The following MINDY2 variants were observed in gnomAD, a reference collection of about 807,000 sequenced individuals.
The protein encoded by MINDY2 is ubiquitin carboxyl-terminal hydrolase MINDY-2.
A neutral mutation model predicts 68.2 loss-of-function variants in MINDY2; 52 were observed. The ratio of observed to expected loss-of-function variants is 0.76; its 90% confidence interval spans 0.61 to 0.96. The LOEUF is 0.96. Among genes scored for constraint, MINDY2 ranks in the 40% least tolerant of loss-of-function variants. The pLI, the probability that MINDY2 is intolerant of heterozygous loss-of-function variation, is 0.00. For missense variants in MINDY2, 881 were observed against 773.4 expected (o/e 1.14, Z -1.65); for synonymous variants, 372 against 303.0 (o/e 1.23, Z -2.36).
intron 6 of MINDY2, among the ~76,000 whole-genome samples, chr15:58,839,513 G>A (rs915946914): frequency 3.9e-5 from 6 of 151,982 alleles, no homozygotes; most frequent in East Asian, 1.9e-4. Flanking sequence ...TGTATTTTTC[G>A]TAGGAATGTG....
chr15:58,821,877 A>G, intron 5 of MINDY2, 58 bp downstream of exon 5: 4 of 1,103,386 alleles, frequency 3.6e-6, no homozygotes, highest in Non-Finnish European at 2.6e-6. Flanking sequence ...AATTTTTCTT[A>G]TAACTTAATA....
intron 6 of MINDY2, among the ~76,000 whole-genome samples, chr15:58,846,092 T>TAAAAAAAAA (rs34161206): frequency 5.1e-5 from 7 of 136,244 alleles, no homozygotes; most frequent in South Asian, 2.3e-4. Flanking sequence ...TAATGGATGT[T>TAAAAAAAAA]AAAAAAAAAA....
At chr15:58,834,774 C>G (rs1281904318) in intron 6 of MINDY2, among the ~76,000 whole-genome samples, 3 of 152,124 alleles carry the variant, frequency 2.0e-5, no homozygotes, top group Non-Finnish European at 4.4e-5. Context: ...ACACTTTAGT[C>G]AATGAATTAC....
At chr15:58,839,823 T>C (rs1246747192) in intron 6 of MINDY2, among the ~76,000 whole-genome samples, 3 of 151,700 alleles carry the variant, frequency 2.0e-5, no homozygotes, top group Non-Finnish European at 4.4e-5. Flanking sequence ...CCACAGCTGA[T>C]TTTATCTTTT....
At chr15:58,782,605 A>G (rs1239583054) in intron 1 of MINDY2, among the ~76,000 whole-genome samples, 2 of 152,182 alleles carry the variant, frequency 1.3e-5, no homozygotes, top group Non-Finnish European at 2.9e-5. Flanking sequence ...CACTGGTCAC[A>G]AAGTTCTGTC....
chr15:58,788,002 C>G (rs1305908753), intron 2 of MINDY2, 39 bp downstream of exon 2: 22 of 1,410,700 alleles, frequency 1.6e-5, no homozygotes, highest in Non-Finnish European at 2.1e-5. Context: ...TCTTTCAAAA[C>G]AAAAGTTTTC....
chr15:58,802,112 C>G (rs557290905), intron 2 of MINDY2, among the ~76,000 whole-genome samples: 2 of 151,820 alleles, frequency 1.3e-5, no homozygotes, highest in Non-Finnish European at 2.9e-5. Context: ...GTTCAAAGCA[C>G]TATAGTATAT....
intron 5 of MINDY2, among the ~76,000 whole-genome samples, chr15:58,825,725 C>T (rs910148342): frequency 1.3e-5 from 2 of 152,178 alleles, no homozygotes; most frequent in Non-Finnish European, 2.9e-5. Context: ...TCTGCCTTAG[C>T]CTCCCAGGTA....
intron 6 of MINDY2, among the ~76,000 whole-genome samples, chr15:58,833,077 T>C (rs1248258492): frequency 6.6e-6 from 1 of 152,230 alleles, no homozygotes; most frequent in African/African-American, 2.4e-5. Context: ...TTATAGCCAT[T>C]CTTTTTGTTG....
rs549317915 is a variant in MINDY2, at chr15:58,831,037, G to GTATATATATA, written c.1226-736_1226-735insATATATATAT. Among the ~76,000 whole-genome samples, 468 of 110,274 alleles carry GTATATATATA rather than the reference G, an allele frequency of 4.2e-3. 3 individuals carry two copies. Among genetic ancestry groups the GTATATATATA allele is most frequent in the African/African-American group, 8.8e-3 (213 of 24,280 alleles). The allele number at this position is 110,274 out of a possible 152,430, so 72.3% of individuals were successfully genotyped here. A position where few individuals can be genotyped will look rare whatever the true frequency, so the allele number is the denominator to read the frequency against. On this transcript the variant is annotated intron_variant, in intron 5 of 8. Transcript: ENST00000559228. ...CAGTTGTGTGTGTGTGTGTGTGTGT[G>GTATATATATA]TGTGTATATATATATATATATATGT...
intron 4 of MINDY2, among the ~76,000 whole-genome samples, chr15:58,814,359 T>C (rs1324564521): frequency 2.0e-5 from 3 of 151,994 alleles, no homozygotes; most frequent in South Asian, 2.1e-4. Context: ...TCTAATTAGA[T>C]TGGTTCTTTA....
At chr15:58,838,384 C>T (rs528536494) in intron 6 of MINDY2, among the ~76,000 whole-genome samples, 6 of 151,490 alleles carry the variant, frequency 4.0e-5, no homozygotes, top group Admixed American at 2.6e-4. Context: ...GGTGACAGAG[C>T]GAGACTCCAT....
chr15:58,813,496 A>T (rs1247017870), intron 4 of MINDY2, among the ~76,000 whole-genome samples: 1 of 152,190 alleles, frequency 6.6e-6, no homozygotes, highest in African/African-American at 2.4e-5. Flanking sequence ...ACTCTATCTC[A>T]AACTGCTGTA....
intron 6 of MINDY2, among the ~76,000 whole-genome samples, chr15:58,834,109 C>G (rs1294162190): frequency 6.6e-6 from 1 of 152,150 alleles, no homozygotes. Context: ...CTGCACAGCC[C>G]TTAATCCATT....
At chr15:58,821,680 C>G in intron 4 of MINDY2, 37 bp from the exon 5 acceptor site, 1 of 1,315,760 alleles carries the variant, frequency 7.6e-7, no homozygotes, top group Non-Finnish European at 1.0e-6. Context: ...TGTTCCTAAT[C>G]TTACCATGAT....
At chr15:58,830,647 C>T (rs2031660613) in intron 5 of MINDY2, among the ~76,000 whole-genome samples, 3 of 151,286 alleles carry the variant, frequency 2.0e-5, no homozygotes, top group Admixed American at 2.0e-4. Flanking sequence ...TAAGGCACAT[C>T]ACAGCCTTTG....
intron 4 of MINDY2, among the ~76,000 whole-genome samples, chr15:58,821,443 C>G (rs684505): frequency 0.26 from 39,235 of 151,424 alleles, 5,560 homozygotes; most frequent in East Asian, 0.62. Flanking sequence ...ATGTTTATGA[C>G]CTTAAGAAAT....
chr15:58,857,791 C>A lies in MINDY2; in HGVS notation c.*3181C>A, dbSNP rs1305045952. 2 of 152,092 alleles carry A rather than the reference C, an allele frequency of 1.3e-5. No individual in the cohort carries two copies. The highest frequency in any genetic ancestry group is 4.8e-5 in the African/African-American group (2 of 41,416). The allele number at this position is 152,092 out of a possible 1,614,324, so 9.4% of individuals were successfully genotyped here. A position where few individuals can be genotyped will look rare whatever the true frequency, so the allele number is the denominator to read the frequency against. ...TAGATTAGGGACATATTTGCATCAA[C>A]CAAATCATCATTAGATTTGAAAATA... On this transcript the variant is annotated 3_prime_UTR_variant, in exon 9 of 9. Transcript: ENST00000559228.
intron 2 of MINDY2, among the ~76,000 whole-genome samples, chr15:58,791,682 A>T (rs1901950597): frequency 6.9e-6 from 1 of 144,488 alleles, no homozygotes. Context: ...GTGTAATGTG[A>T]CCAAGGAACT....
Sources: gnomAD v4.1 joint callset for allele counts (sites outside exome capture counted in the v4.1 genomes callset) on GRCh38, gnomAD v4.1.1 for gene constraint, MANE v1.5 for transcripts, NCBI Gene and HGNC (gene_info 2026-07-23, HGNC 2026-07-21) for gene names.